The following RASGRF1 variants were observed in gnomAD, a reference collection of about 807,000 sequenced individuals.
RASGRF1 encodes the protein ras-specific guanine nucleotide-releasing factor 1.
RASGRF1 carries 40 observed loss-of-function variants against 138.7 expected under a neutral mutation model. The ratio of observed to expected loss-of-function variants is 0.29; its 90% CI spans 0.22 to 0.38. The LOEUF (loss-of-function observed/expected upper bound fraction) is 0.38. Ranked by LOEUF, RASGRF1 falls within the 10% of genes least tolerant of loss-of-function variation. The probability of loss-of-function intolerance (pLI) is 1.00; values close to 1 mark genes in which losing one functional copy is unlikely to be tolerated. For missense variants in RASGRF1, 1,108 were observed against 1,650.4 expected, an observed-to-expected ratio of 0.67 and a Z score of 5.69; for synonymous variants, 614 against 663.2, an observed-to-expected ratio of 0.93 and a Z score of 1.14.
chr15:79,090,114 G>A (rs1373024449), intron 1 of RASGRF1, 109 bp downstream of exon 1: 25 of 1,375,802 alleles, frequency 1.8e-5, no homozygotes, highest in Non-Finnish European at 2.4e-5. Context: ...CGCCTAGGGC[G>A]CCAAGAGTAG....
In RASGRF1 at chr15:78,969,528, G is replaced by T. The variant is rs573018347; in HGVS notation, c.3681+2338C>A. Among the ~76,000 whole-genome samples the T allele has an allele frequency of 2.6e-5, 4 of 152,252 alleles. No individual in the cohort carries two copies. The East Asian group carries it at 7.7e-4, about 29-fold the overall frequency. ...TACTAAACGTACAAAAATTAGCCGG[G>T]CGTGGTGGCTCACACCTGTAGTCCC... On this transcript the variant is annotated intron_variant, in intron 26 of 26. Coordinates refer to ENST00000558480, the MANE Select transcript of RASGRF1 (RefSeq NM_001145648.3).
intron 26 of RASGRF1, among the ~76,000 whole-genome samples, chr15:78,967,314 G>C (rs2055662951): frequency 6.6e-6 from 1 of 152,108 alleles, no homozygotes; most frequent in South Asian, 2.1e-4. Flanking sequence ...GGGAGGCCGA[G>C]GCAGGCAGAT....
chr15:79,033,311 C>T (rs868427830), intron 6 of RASGRF1, among the ~76,000 whole-genome samples: 4 of 151,032 alleles, frequency 2.6e-5, no homozygotes, highest in African/African-American at 7.3e-5. Context: ...GGTGCGGTCT[C>T]GGCTCACTGT....
At chr15:78,984,244 T>C (rs1468773130) in intron 23 of RASGRF1, among the ~76,000 whole-genome samples, 1 of 152,114 alleles carries the variant, frequency 6.6e-6, no homozygotes, top group Admixed American at 6.5e-5. Context: ...GCTTGGGGGC[T>C]TGCCCTGTCT....
At chr15:78,964,918 A>G (rs2055613334) in intron 26 of RASGRF1, among the ~76,000 whole-genome samples, 1 of 152,008 alleles carries the variant, frequency 6.6e-6, no homozygotes, top group Non-Finnish European at 1.5e-5. Flanking sequence ...AGGTTTCACC[A>G]TGTTGGCCAG....
chr15:79,031,652 G>A (rs1217104139), intron 7 of RASGRF1, 143 bp from the exon 8 acceptor site: 2 of 229,296 alleles, frequency 8.7e-6, no homozygotes, highest in Non-Finnish European at 1.8e-5. Context: ...GAGGGAGGGA[G>A]AGAGGGAGGG....
At chr15:78,978,065 G>C (rs915695555) in intron 24 of RASGRF1, among the ~76,000 whole-genome samples, 3 of 152,126 alleles carry the variant, frequency 2.0e-5, no homozygotes, top group East Asian at 3.8e-4. Flanking sequence ...CACATAGTTA[G>C]GGCTGTTGCA....
At chr15:78,991,529 G>A (rs573316746) in intron 21 of RASGRF1, among the ~76,000 whole-genome samples, 162 bp downstream of exon 21, 1 of 152,284 alleles carries the variant, frequency 6.6e-6, no homozygotes, top group Non-Finnish European at 1.5e-5. Flanking sequence ...GGGCAGGAAC[G>A]GGAACAGGCT....
At chr15:79,033,753 C>A (rs1367769523) in intron 6 of RASGRF1, among the ~76,000 whole-genome samples, 1 of 151,238 alleles carries the variant, frequency 6.6e-6, no homozygotes, top group Non-Finnish European at 1.5e-5. Context: ...CTACACCTGG[C>A]TAATTTTTGT....
At chr15:79,074,004 G>T (rs1468838767) in intron 1 of RASGRF1, among the ~76,000 whole-genome samples, 1 of 152,178 alleles carries the variant, frequency 6.6e-6, no homozygotes, top group African/African-American at 2.4e-5. Context: ...AGTCTTGCTG[G>T]GTGCCACCAG....
chr15:79,040,409 C>A (rs1326468071), intron 5 of RASGRF1, among the ~76,000 whole-genome samples: 2 of 152,188 alleles, frequency 1.3e-5, no homozygotes, highest in East Asian at 3.9e-4. Context: ...GTGGATTCAT[C>A]TCTTAAAAAT....
intron 10 of RASGRF1, among the ~76,000 whole-genome samples, chr15:79,022,463 C>T (rs77727744): frequency 1.3e-5 from 2 of 150,256 alleles, no homozygotes; most frequent in East Asian, 2.0e-4. Context: ...ACAACCCCCC[C>T]CCAAAAACCC....
At chr15:78,976,245 C>A (rs1187972156) in intron 24 of RASGRF1, among the ~76,000 whole-genome samples, 1 of 152,112 alleles carries the variant, frequency 6.6e-6, no homozygotes, top group Non-Finnish European at 1.5e-5. Flanking sequence ...AAGTAGCACG[C>A]CCAGCCCCAG....
chr15:79,042,035 T>C (rs2057303796), intron 5 of RASGRF1, among the ~76,000 whole-genome samples: 1 of 152,166 alleles, frequency 6.6e-6, no homozygotes, highest in South Asian at 2.1e-4. Flanking sequence ...GTGCTGGGCA[T>C]GGTTTTTATT....
chr15:78,994,501 C>T (rs929129712), intron 20 of RASGRF1, among the ~76,000 whole-genome samples: 14 of 152,218 alleles, frequency 9.2e-5, no homozygotes, highest in Non-Finnish European at 1.9e-4. Context: ...ACAATCTCTG[C>T]CTCTGGTGGG....
At chr15:79,023,609 G>A (rs897322435) in intron 10 of RASGRF1, among the ~76,000 whole-genome samples, 27 of 152,202 alleles carry the variant, frequency 1.8e-4, no homozygotes, top group African/African-American at 6.5e-4. Context: ...CAGACAGCAT[G>A]AGCAAAGGCC....
chr15:78,993,885 G>C (rs1016137149), intron 20 of RASGRF1, among the ~76,000 whole-genome samples: 1 of 152,170 alleles, frequency 6.6e-6, no homozygotes, highest in Non-Finnish European at 1.5e-5. Flanking sequence ...GGTGACCCTG[G>C]AAGCAGAGAT....
At chr15:78,987,750 A>C (rs540055368) in intron 22 of RASGRF1, among the ~76,000 whole-genome samples, 16 of 152,256 alleles carry the variant, frequency 1.1e-4, no homozygotes, top group African/African-American at 3.6e-4. Flanking sequence ...AAACCCAAGA[A>C]GGAGACACAT....
At position 79,031,281 on chromosome 15, in the gene RASGRF1, C is replaced by G. The variant is rs558505380; in HGVS notation, c.1262+119G>C. On this transcript the variant is annotated intron_variant, in intron 8 of 26. Transcript: ENST00000558480. ...CTTTGAGCTGTGGCAAGCTGTGCCC[C>G]TCCCTTACAATCCCCATCTGAACTC... 14 of 795,506 alleles carry G rather than the reference C, an allele frequency of 1.8e-5. No homozygotes were observed. The Admixed American group carries it at 2.4e-4, about 13-fold the overall frequency. 49.3% of individuals were successfully genotyped at this position (795,506 alleles called of 1,614,324 possible). A position where few individuals can be genotyped will look rare whatever the true frequency, so the allele number is the denominator to read the frequency against.
Sources: allele counts gnomAD v4.1 joint callset (sites outside exome capture counted in the v4.1 genomes callset), GRCh38; gene constraint gnomAD v4.1.1; transcripts MANE v1.5; gene names NCBI Gene and HGNC (gene_info 2026-07-23, HGNC 2026-07-21).